HBG2: variants seen among roughly 807,000 people sequenced by gnomAD.
HBG2 encodes the protein hemoglobin subunit gamma 2.
For missense variants in HBG2, 59 were observed against 155.7 expected (o/e 0.38, Z 3.31); for synonymous variants, 25 against 63.2 (o/e 0.40, Z 2.87).
At position 5,253,575 on chromosome 11, in the gene HBG2, G is replaced by C. The variant is rs3993803; in HGVS notation, c.316-170C>G. Among the ~76,000 whole-genome samples, 7 of 152,060 alleles carry C rather than the reference G, an allele frequency of 4.6e-5. No homozygotes were observed. In the South Asian group the frequency reaches 8.4e-4, roughly 18 times the overall value. ...TTAAATGCAGGTAGTTGTTCTTCTT[G>C]CAGCACTAGTCACTGGCCATAATTT... On this transcript the variant is annotated intron_variant, in intron 2 of 2. Coordinates refer to ENST00000336906, the MANE Select transcript of HBG2 (RefSeq NM_000184.3).
intron 2 of HBG2, among the ~76,000 whole-genome samples, chr11:5,253,971 G>C (rs1358636512): frequency 6.6e-6 from 1 of 152,008 alleles, no homozygotes. Context: ...CCTGCCTCCA[G>C]ATAGATGTTT....
Position 5,254,778 on chromosome 11 carries a change from G to A in HBG2, c.-50C>T, listed in dbSNP as rs1276035306. On this transcript the variant is annotated 5_prime_UTR_variant, in exon 1 of 3. Transcript: ENST00000336906. ...ATAACCTCAGACGTTCCAGAAGCGA[G>A]TGTGTGGAACTGCTGAAGGGTGCTT... The A allele has an allele frequency of 1.6e-6, 1 of 610,054 alleles. No homozygotes were observed. The highest frequency in any genetic ancestry group is 1.9e-5 in the African/African-American group (1 of 52,974). 37.8% of individuals were successfully genotyped at this position (610,054 alleles called of 1,614,324 possible).
At chr11:5,254,007 A>G (rs1179656672) in intron 2 of HBG2, among the ~76,000 whole-genome samples, 1 of 151,838 alleles carries the variant, frequency 6.6e-6, no homozygotes, top group Admixed American at 6.6e-5. Flanking sequence ...AAATAGGGGA[A>G]AGGTGAAAGT....
chr11:5,254,001 A>G (rs1422366498), intron 2 of HBG2, among the ~76,000 whole-genome samples: 2 of 151,786 alleles, frequency 1.3e-5, no homozygotes, highest in African/African-American at 2.4e-5. Flanking sequence ...TAACAAAAAT[A>G]GGGGAAAGGT....
intron 2 of HBG2, among the ~76,000 whole-genome samples, chr11:5,253,817 T>C (rs1367938633): frequency 6.6e-6 from 1 of 151,934 alleles, no homozygotes; most frequent in African/African-American, 2.4e-5. Flanking sequence ...GATATAAGTT[T>C]GTAATGAAGC....
intron 2 of HBG2, among the ~76,000 whole-genome samples, chr11:5,253,698 G>GCACA (rs1554922324): frequency 0.024 from 3,243 of 134,292 alleles, 64 homozygotes; most frequent in Middle Eastern, 0.031. Flanking sequence ...ACACACGCGC[G>GCACA]CACACACACA....
At chr11:5,253,892 C>T (rs532914270) in intron 2 of HBG2, among the ~76,000 whole-genome samples, 11 of 152,188 alleles carry the variant, frequency 7.2e-5, no homozygotes, top group African/African-American at 2.4e-5. Context: ...TGTTTGGCCA[C>T]CAAAGTTCCC....
At position 5,253,442 on chromosome 11, in the gene HBG2, T is replaced by G. The variant is rs765486983; in HGVS notation, c.316-37A>C. 24 of 1,588,460 alleles carry G rather than the reference T, an allele frequency of 1.5e-5. No homozygotes were observed. The African/African-American group carries it at 2.8e-4, about 19-fold the overall frequency. Reference sequence around the variant, plus strand: ...AAAGGAGACAATAAAGATGAACCCATAGTGAGCTGAGAGCTCCAGCCTGGC... The same window carrying G: ...AAAGGAGACAATAAAGATGAACCCAGAGTGAGCTGAGAGCTCCAGCCTGGC... On this transcript the variant is annotated intron_variant, in intron 2 of 2. Transcript: ENST00000336906.
Position 5,253,282 on chromosome 11 carries a change from G to A in HBG2, c.439C>T (p.His147Tyr), listed in dbSNP as rs34807671. ...GVASALSSRYH is the reference protein window; with the variant it reads ...GVASALSSRYY Reference sequence around the variant, plus strand: ...CTGCATCATGGGCAGTGAGCTCAGTGGTATCTGGAGGACAGGGCACTGGCC... The same window carrying A: ...CTGCATCATGGGCAGTGAGCTCAGTAGTATCTGGAGGACAGGGCACTGGCC... Residue 147 changes from histidine to tyrosine, a missense_variant, in exon 3 of 3, where the codon CAC (histidine) becomes TAC (tyrosine). His to Tyr is a moderately conservative substitution (Grantham distance 83). Transcript: ENST00000336906. 6 of 1,613,946 alleles carry A rather than the reference G, an allele frequency of 3.7e-6. No individual in the cohort carries two copies. Among genetic ancestry groups the A allele is most frequent in the Non-Finnish European group, 5.1e-6 (6 of 1,179,976 alleles).
Position 5,254,525 on chromosome 11 carries a change from G to T in HBG2, c.93-11C>A. ...TAGACAACCAGGAGCCTGTGAGATT[G>T]ACAAGAACAGTTTGACAGTCAGAAG... On this transcript the variant is annotated splice_polypyrimidine_tract_variant and intron_variant, in intron 1 of 2. Coordinates refer to ENST00000336906, the MANE Select transcript of HBG2 (RefSeq NM_000184.3). The T allele has an allele frequency of 1.2e-6, 2 of 1,610,472 alleles. No homozygotes were observed. Among genetic ancestry groups the T allele is most frequent in the Non-Finnish European group, 1.7e-6 (2 of 1,177,524 alleles).
intron 2 of HBG2, among the ~76,000 whole-genome samples, chr11:5,253,698 G>GCGCACACACA (rs141297974): frequency 1.5e-5 from 2 of 134,460 alleles, no homozygotes; most frequent in African/African-American, 2.6e-5. Context: ...ACACACGCGC[G>GCGCACACACA]CACACACACA....
In HBG2 at chr11:5,254,649, TCTC is replaced by T; in HGVS notation, c.77_79del (p.Gly26del). 1.1e-6 allele frequency: 1 copy of T among 939,180 alleles called. No homozygotes were observed. The highest frequency in any genetic ancestry group is 1.6e-6 in the Non-Finnish European group (1 of 606,204). The allele number at this position is 939,180 out of a possible 1,614,324, so 58.2% of individuals were successfully genotyped here. Reference sequence around the variant, plus strand: ...CACCAGAGCCTACCTTCCCAGGGTTTCTCCTCCAGCATCTTCCACATTCACCTT... The same window carrying T: ...CACCAGAGCCTACCTTCCCAGGGTTTCTCCAGCATCTTCCACATTCACCTT... On this transcript the variant is annotated inframe_deletion, in exon 1 of 3. Transcript: ENST00000336906.
chr11:5,253,461 G>C, intron 2 of HBG2, 56 bp from the exon 3 acceptor site: 1 of 1,465,614 alleles, frequency 6.8e-7, no homozygotes, highest in South Asian at 1.2e-5. Flanking sequence ...GAGAGCTCCA[G>C]CCTGGCCTCC....
At chr11:5,253,654 G>A (rs1012390984) in intron 2 of HBG2, among the ~76,000 whole-genome samples, 7 of 149,492 alleles carry the variant, frequency 4.7e-5, no homozygotes, top group African/African-American at 1.7e-4. Flanking sequence ...GGCTGAAAAC[G>A]TTAAAAGAAA....
At chr11:5,253,693 C>T (rs1320148542) in intron 2 of HBG2, among the ~76,000 whole-genome samples, 8 of 135,332 alleles carry the variant, frequency 5.9e-5, no homozygotes, top group South Asian at 2.3e-4. Context: ...CACAAACACA[C>T]GCGCGCACAC....
intron 2 of HBG2, 84 bp downstream of exon 2, chr11:5,254,208 C>G (rs567366759): frequency 6.3e-7 from 1 of 1,579,916 alleles, no homozygotes; most frequent in South Asian, 1.1e-5. Flanking sequence ...ACAGCTCACA[C>G]CCTGCTGTGC....
chr11:5,253,265 T>C lies in HBG2; in HGVS notation c.*12A>G. 16 of 1,614,078 alleles carry C rather than the reference T, an allele frequency of 9.9e-6. No homozygotes were observed. Among genetic ancestry groups the C allele is most frequent in the Non-Finnish European group, 1.4e-5 (16 of 1,179,942 alleles). ...GCCTATCCTTGAAAGCTCTGCATCA[T>C]GGGCAGTGAGCTCAGTGGTATCTGG... On this transcript the variant is annotated 3_prime_UTR_variant, in exon 3 of 3. Coordinates refer to ENST00000336906, the MANE Select transcript of HBG2 (RefSeq NM_000184.3).
intron 2 of HBG2, among the ~76,000 whole-genome samples, chr11:5,253,790 C>T (rs1847983077): frequency 2.0e-5 from 3 of 151,600 alleles, no homozygotes; most frequent in African/African-American, 7.3e-5. Context: ...ATACTTTGCC[C>T]CCATCTGGAA....
intron 2 of HBG2, among the ~76,000 whole-genome samples, chr11:5,253,625 A>G (rs1847977555): frequency 6.6e-6 from 1 of 151,966 alleles, no homozygotes; most frequent in Non-Finnish European, 1.5e-5. Context: ...TCTTGCCACC[A>G]TGAACCCTGT....
Sources: allele counts gnomAD v4.1 joint callset (sites outside exome capture counted in the v4.1 genomes callset), GRCh38; gene constraint gnomAD v4.1.1; transcripts MANE v1.5; gene names NCBI Gene and HGNC (gene_info 2026-07-23, HGNC 2026-07-21).